Variants in CNTN5 observed in about 807,000 individuals in gnomAD.
The protein encoded by CNTN5 is contactin-5.
Under a neutral mutation model 129.1 loss-of-function variants are expected in CNTN5, and 77 were observed. That is an observed-to-expected ratio of 0.60 (90% CI 0.50 to 0.72). The LOEUF (loss-of-function observed/expected upper bound fraction) is 0.72, where lower values mean the gene tolerates loss of function less well. Among genes scored for constraint, CNTN5 ranks in the 30% least tolerant of loss-of-function variants. The pLI is 0.00. For missense variants in CNTN5, 1,478 were observed against 1,328.8 expected, an observed-to-expected ratio of 1.11 and a Z score of -1.75; for synonymous variants, 509 against 465.6, an observed-to-expected ratio of 1.09 and a Z score of -1.20.
At chr11:100,082,891 G>T (rs7116213) in intron 13 of CNTN5, among the ~76,000 whole-genome samples, 1 of 152,140 alleles carries the variant, frequency 6.6e-6, no homozygotes, top group Admixed American at 6.5e-5. Flanking sequence ...GGTTTAATTG[G>T]CTCACAGTTC....
intron 17 of CNTN5, among the ~76,000 whole-genome samples, chr11:100,267,294 AAGAG>A (rs1405795912): frequency 6.6e-5 from 7 of 105,694 alleles, no homozygotes; most frequent in Non-Finnish European, 1.3e-4. Context: ...GAGAGAGAGA[AAGAG>A]AGAGTGAGCA....
intron 21 of CNTN5, among the ~76,000 whole-genome samples, chr11:100,338,504 C>A (rs1287109690): frequency 6.6e-6 from 1 of 152,190 alleles, no homozygotes; most frequent in African/African-American, 2.4e-5. Flanking sequence ...TCTACTATTT[C>A]CACCACAGTA....
intron 3 of CNTN5, among the ~76,000 whole-genome samples, chr11:99,709,565 C>T (rs1591512728): frequency 6.6e-6 from 1 of 151,840 alleles, no homozygotes; most frequent in East Asian, 2.0e-4. Context: ...TAAACCTCAC[C>T]AGAACAACAG....
At chr11:99,613,423 C>G (rs970137218) in intron 3 of CNTN5, among the ~76,000 whole-genome samples, 1 of 152,130 alleles carries the variant, frequency 6.6e-6, no homozygotes, top group Admixed American at 6.6e-5. Flanking sequence ...CCTCCCCAGC[C>G]GTGCTGAACT....
intron 2 of CNTN5, among the ~76,000 whole-genome samples, chr11:99,427,494 C>G (rs531101415): frequency 6.6e-6 from 1 of 152,052 alleles, no homozygotes; most frequent in South Asian, 2.1e-4. Flanking sequence ...GGGCCTGGCG[C>G]GGTGGCTCAC....
Position 99,029,600 on chromosome 11 carries a change from CA to C in CNTN5, c.-210+8334del, listed in dbSNP as rs578175469. On this transcript the variant is annotated intron_variant, in intron 1 of 24. Coordinates refer to ENST00000524871, the MANE Select transcript of CNTN5 (RefSeq NM_014361.4). ...CAGTTGGTGGGAAGAGAGGCAGAAA[CA>C]AAACAAATGTGTAGGAAAACAGTAG... 3.1e-3 allele frequency among the ~76,000 whole-genome samples: 471 copies of C among 151,856 alleles called. 5 individuals carry two copies. The highest frequency in any genetic ancestry group is 0.01 in the African/African-American group (429 of 41,466).
intron 3 of CNTN5, among the ~76,000 whole-genome samples, chr11:99,751,441 G>A (rs998402536): frequency 7.0e-6 from 1 of 143,326 alleles, no homozygotes; most frequent in Non-Finnish European, 1.5e-5. Flanking sequence ...AGAGAGAGAA[G>A]TATTTAAATG....
chr11:100,343,638 A>G (rs1224903535), intron 23 of CNTN5, among the ~76,000 whole-genome samples: 1 of 152,142 alleles, frequency 6.6e-6, no homozygotes, highest in Non-Finnish European at 1.5e-5. Context: ...TATAACCCAG[A>G]GAACACAAGC....
At chr11:99,382,572 G>A (rs950772091) in intron 2 of CNTN5, among the ~76,000 whole-genome samples, 6 of 152,192 alleles carry the variant, frequency 3.9e-5, no homozygotes, top group African/African-American at 1.4e-4. Flanking sequence ...GTGCTTTTAC[G>A]AGACTTATTT....
rs78614336 is a variant in CNTN5 at position 99,108,100 on chromosome 11, C to A, written c.-210+86830C>A. Among the ~76,000 whole-genome samples the A allele has an allele frequency of 3.4e-3, 523 of 151,908 alleles. 4 individuals carry two copies. The highest frequency in any genetic ancestry group is 0.034 in the East Asian group (175 of 5,156). On this transcript the variant is annotated intron_variant, in intron 1 of 24. Transcript: ENST00000524871. ...ATAATTTAAAAATATAAGGTAATTC[C>A]TCAGTTGTGATGGTTGATTGTAGAT... is the stretch of plus-strand genomic sequence containing the variant.
intron 1 of CNTN5, among the ~76,000 whole-genome samples, chr11:99,316,389 T>C (rs1000995474): frequency 2.0e-5 from 3 of 152,126 alleles, no homozygotes; most frequent in Non-Finnish European, 4.4e-5. Flanking sequence ...TATAATAAAA[T>C]TGCCTATACA....
chr11:99,708,080 T>TC (rs1048554440), intron 3 of CNTN5, among the ~76,000 whole-genome samples: 1 of 151,654 alleles, frequency 6.6e-6, no homozygotes, highest in Non-Finnish European at 1.5e-5. Context: ...TGAGCGACCT[T>TC]CAGAGGTCAA....
At chr11:99,238,826 G>A (rs1476285902) in intron 1 of CNTN5, among the ~76,000 whole-genome samples, 1 of 152,072 alleles carries the variant, frequency 6.6e-6, no homozygotes, top group Non-Finnish European at 1.5e-5. Flanking sequence ...GATTAAACCA[G>A]TTGAAACAAT....
At chr11:99,660,493 T>C (rs1041602658) in intron 3 of CNTN5, among the ~76,000 whole-genome samples, 3 of 152,168 alleles carry the variant, frequency 2.0e-5, no homozygotes, top group Non-Finnish European at 4.4e-5. Flanking sequence ...ATATGCCATT[T>C]ACACCTCAAT....
At chr11:100,166,486 CTG>C (rs1947640577) in intron 13 of CNTN5, among the ~76,000 whole-genome samples, 1 of 151,716 alleles carries the variant, frequency 6.6e-6, no homozygotes, top group Non-Finnish European at 1.5e-5. Flanking sequence ...GGCATCCTAA[CTG>C]TATATGGCCT....
At chr11:100,230,976 C>T (rs1949474777) in intron 16 of CNTN5, among the ~76,000 whole-genome samples, 1 of 152,220 alleles carries the variant, frequency 6.6e-6, no homozygotes. Flanking sequence ...AATACAGTCA[C>T]TTCACATCTG....
intron 1 of CNTN5, among the ~76,000 whole-genome samples, chr11:99,127,350 T>C (rs968406729): frequency 6.6e-6 from 1 of 152,222 alleles, no homozygotes; most frequent in Non-Finnish European, 1.5e-5. Flanking sequence ...GGATGTCATC[T>C]GTTACTCCAT....
At chr11:99,781,338 T>C (rs572824841) in intron 3 of CNTN5, among the ~76,000 whole-genome samples, 1 of 152,070 alleles carries the variant, frequency 6.6e-6, no homozygotes, top group Non-Finnish European at 1.5e-5. Flanking sequence ...AAATGACTTA[T>C]TTTCATGTTT....
intron 2 of CNTN5, among the ~76,000 whole-genome samples, chr11:99,366,601 G>A (rs528950374): frequency 3.9e-5 from 6 of 152,166 alleles, no homozygotes; most frequent in African/African-American, 9.6e-5. Flanking sequence ...AGTGTGTATC[G>A]CCAAAGACCC....
Sources: gnomAD v4.1 joint callset for allele counts (sites outside exome capture counted in the v4.1 genomes callset) on GRCh38, gnomAD v4.1.1 for gene constraint, MANE v1.5 for transcripts, NCBI Gene and HGNC (gene_info 2026-07-23, HGNC 2026-07-21) for gene names.